Variants in SULT1B1 observed in about 807,000 individuals in gnomAD.
SULT1B1 encodes the protein sulfotransferase family 1B member 1.
A neutral mutation model predicts 34.6 loss-of-function variants in SULT1B1; 28 were observed. The observed-to-expected ratio is 0.81, with a 90% CI of 0.60 to 1.11. The LOEUF (loss-of-function observed/expected upper bound fraction) is 1.11. Ranked by LOEUF, SULT1B1 falls within the 50% of genes least tolerant of loss-of-function variation. SULT1B1 has a pLI of 0.00. For synonymous variants in SULT1B1, 147 were observed against 110.2 expected (o/e 1.33, Z -2.09); for missense variants, 374 against 352.2 (o/e 1.06, Z -0.50).
chr4:69,754,668 A>G lies in SULT1B1; in HGVS notation c.277+2T>C, dbSNP rs1248190611. The G allele has an allele frequency of 1.9e-6, 3 of 1,612,162 alleles. No homozygotes were observed. Among genetic ancestry groups the G allele is most frequent in the African/African-American group, 1.3e-5 (1 of 74,848 alleles). On this transcript the variant is annotated splice_donor_variant, in intron 3 of 7. Coordinates refer to ENST00000310613, the MANE Select transcript of SULT1B1 (RefSeq NM_014465.4). LOFTEE classifies it high-confidence loss of function. ...TAATAATTCCAAGTGGGTTAAATTTACCTGATGTTCTTAATCCAGGGAGAG... is the reference window on the plus strand; with the variant it reads ...TAATAATTCCAAGTGGGTTAAATTTGCCTGATGTTCTTAATCCAGGGAGAG...
At chr4:69,751,096 A>G (rs2110029767) in intron 3 of SULT1B1, among the ~76,000 whole-genome samples, 1 of 152,368 alleles carries the variant, frequency 6.6e-6, no homozygotes, top group East Asian at 1.9e-4. Flanking sequence ...ATTTGCCAAT[A>G]TAAATGACTG....
intron 4 of SULT1B1, among the ~76,000 whole-genome samples, chr4:69,749,423 C>T (rs893575454): frequency 3.3e-5 from 5 of 152,042 alleles, no homozygotes; most frequent in Non-Finnish European, 5.9e-5. Context: ...TAAGGACTAA[C>T]GTCCTTAAGT....
intron 7 of SULT1B1, among the ~76,000 whole-genome samples, chr4:69,729,364 T>C (rs1377211253): frequency 6.6e-6 from 1 of 152,040 alleles, no homozygotes; most frequent in Non-Finnish European, 1.5e-5. Flanking sequence ...TTCTAGTATA[T>C]TCAGAGGCAG....
Position 69,749,603 on chromosome 4 carries a change from GTA to G in SULT1B1, c.375+116_375+117del, listed in dbSNP as rs1419035873. The G allele has an allele frequency of 7.5e-6, 5 of 668,534 alleles. No individual in the cohort carries two copies. In the East Asian group the frequency reaches 1.4e-4, roughly 19 times the overall value. 41.4% of individuals were successfully genotyped at this position (668,534 alleles called of 1,614,324 possible). On this transcript the variant is annotated intron_variant, in intron 4 of 7. Coordinates refer to ENST00000310613, the MANE Select transcript of SULT1B1 (RefSeq NM_014465.4). The stretch of plus-strand genomic sequence containing the variant: ...TTTACGTACAACGTGAGTGGGTATA[GTA>G]TAGATTGTTGCAAGTATATGGTTAA...
At position 69,726,030 on chromosome 4, in the gene SULT1B1, GTACATATA is replaced by G. The variant is rs1299568266; in HGVS notation, c.*1050_*1057del. On this transcript the variant is annotated 3_prime_UTR_variant, in exon 8 of 8. Coordinates refer to ENST00000310613, the MANE Select transcript of SULT1B1 (RefSeq NM_014465.4). ...GGAACTTAAAGTATAATAATAAAAT[GTACATATA>G]TATATATATATATATATATATATAT... The G allele has an allele frequency of 8.8e-4, 37 of 42,064 alleles. 2 individuals are homozygous for G. The South Asian group carries it at 0.01, about 12-fold the overall frequency. The allele number at this position is 42,064 out of a possible 1,614,324, so 2.6% of individuals were successfully genotyped here. A position where few individuals can be genotyped will look rare whatever the true frequency, so the allele number is the denominator to read the frequency against.
chr4:69,731,027 T>A (rs574526816), intron 6 of SULT1B1, among the ~76,000 whole-genome samples: 7 of 152,138 alleles, frequency 4.6e-5, no homozygotes, highest in Non-Finnish European at 8.8e-5. Flanking sequence ...GACAGGCAAA[T>A]AGAGAACATT....
chr4:69,739,475 C>T (rs763886211), intron 4 of SULT1B1, among the ~76,000 whole-genome samples: 8 of 152,184 alleles, frequency 5.3e-5, no homozygotes, highest in Non-Finnish European at 1.2e-4. Context: ...GTACATTGGC[C>T]CCTTTTAGCC....
intron 4 of SULT1B1, among the ~76,000 whole-genome samples, chr4:69,747,733 G>A (rs1718807265): frequency 1.3e-5 from 2 of 152,132 alleles, no homozygotes; most frequent in South Asian, 2.1e-4. Flanking sequence ...GGGCATCAAG[G>A]AGTCTCCTGC....
chr4:69,726,847 G>C lies in SULT1B1; in HGVS notation c.*241C>G. On this transcript the variant is annotated 3_prime_UTR_variant, in exon 8 of 8. Transcript: ENST00000310613. ...TAGAAAAAGGCAGGAAGAGCCTGTGGTTACATTGTTCCTTTGTTACAAAAA... is the reference window on the plus strand; with the variant it reads ...TAGAAAAAGGCAGGAAGAGCCTGTGCTTACATTGTTCCTTTGTTACAAAAA... 2.8e-6 allele frequency: 1 copy of C among 360,772 alleles called. No homozygotes were observed. The highest frequency in any genetic ancestry group is 5.6e-5 in the South Asian group (1 of 17,840). The allele number at this position is 360,772 out of a possible 1,614,324, so 22.3% of individuals were successfully genotyped here. A position where few individuals can be genotyped will look rare whatever the true frequency, so the allele number is the denominator to read the frequency against.
intron 3 of SULT1B1, among the ~76,000 whole-genome samples, chr4:69,750,756 C>A (rs1718948566): frequency 6.6e-6 from 1 of 152,100 alleles, no homozygotes; most frequent in Non-Finnish European, 1.5e-5. Flanking sequence ...TGTATGTCCC[C>A]ATGTCCCTTC....
At chr4:69,745,465 T>A (rs1718714726) in intron 4 of SULT1B1, among the ~76,000 whole-genome samples, 1 of 152,362 alleles carries the variant, frequency 6.6e-6, no homozygotes, top group South Asian at 2.1e-4. Flanking sequence ...AATATTATTC[T>A]TTGTCCTTTT....
At chr4:69,738,396 T>C (rs1718401867) in intron 4 of SULT1B1, among the ~76,000 whole-genome samples, 1 of 152,210 alleles carries the variant, frequency 6.6e-6, no homozygotes, top group African/African-American at 2.4e-5. Context: ...CTTACAATCA[T>C]GGCAGAAGCA....
rs186556699 is a variant in SULT1B1 at position 69,744,800 on chromosome 4, C to T, written c.375+4921G>A. On this transcript the variant is annotated intron_variant, in intron 4 of 7. Transcript: ENST00000310613. ...TTGGTTTGCTCTTATTTTCCTGGTT[C>T]CTTGAGGTGCAATGTTAGGTTGTTA... Among the ~76,000 whole-genome samples, 242 of 152,146 alleles carry T rather than the reference C, an allele frequency of 1.6e-3. 2 individuals are homozygous for T. The highest frequency in any genetic ancestry group is 5.7e-3 in the African/African-American group (238 of 41,494).
chr4:69,723,660 C>T lies in SULT1B1; in HGVS notation c.*3428G>A, dbSNP rs990376858. 2 of 152,176 alleles carry T rather than the reference C, an allele frequency of 1.3e-5. No homozygotes were observed. Among genetic ancestry groups the T allele is most frequent in the African/African-American group, 4.8e-5 (2 of 41,438 alleles). The allele number at this position is 152,176 out of a possible 1,614,324, so 9.4% of individuals were successfully genotyped here. A position where few individuals can be genotyped will look rare whatever the true frequency, so the allele number is the denominator to read the frequency against. Reference sequence around the variant, plus strand: ...TGGCAAACCGAATCCAGCAGCACATCAAAAAGCTTATCCACCATGATCAAG... The same window carrying T: ...TGGCAAACCGAATCCAGCAGCACATTAAAAAGCTTATCCACCATGATCAAG... On this transcript the variant is annotated 3_prime_UTR_variant, in exon 8 of 8. Coordinates refer to ENST00000310613, the MANE Select transcript of SULT1B1 (RefSeq NM_014465.4).
chr4:69,750,549 C>T (rs948650011), intron 3 of SULT1B1, among the ~76,000 whole-genome samples: 2 of 152,268 alleles, frequency 1.3e-5, no homozygotes, highest in African/African-American at 4.8e-5. Flanking sequence ...CTTACATAAT[C>T]TTGCCATCTC....
intron 4 of SULT1B1, among the ~76,000 whole-genome samples, chr4:69,737,551 C>A (rs989064572): frequency 2.0e-5 from 3 of 152,018 alleles, no homozygotes; most frequent in Non-Finnish European, 4.4e-5. Context: ...CACTTGGGAC[C>A]ATTATGTTGA....
At position 69,755,186 on chromosome 4, in the gene SULT1B1, T is replaced by G; in HGVS notation, c.32A>C (p.Asp11Ala). Residue 11 changes from aspartate to alanine, a missense_variant, in exon 2 of 8, where the codon GAT (aspartate) becomes GCT (alanine). Physicochemically the swap from Asp to Ala is moderately radical, Grantham distance 126. Coordinates refer to ENST00000310613, the MANE Select transcript of SULT1B1 (RefSeq NM_014465.4). The stretch of plus-strand genomic sequence containing the variant: ...GGGATAACCATGGACCAACTTCAGA[T>G]CTTTTCGCAGAATATCTTTTGGGGA... Reference protein sequence around the residue: MLSPKDILRKDLKLVHGYPMT... With the variant: MLSPKDILRKALKLVHGYPMT... 3 of 1,613,840 alleles carry G rather than the reference T, an allele frequency of 1.9e-6. No homozygotes were observed. The highest frequency in any genetic ancestry group is 1.1e-5 in the South Asian group (1 of 91,072).
chr4:69,755,330 G>T, intron 1 of SULT1B1, 69 bp from the exon 2 acceptor site: 1 of 1,230,806 alleles, frequency 8.1e-7, no homozygotes, highest in Non-Finnish European at 1.1e-6. Flanking sequence ...ACTGCAATTT[G>T]TCACAAAGTA....
chr4:69,754,732 C>T lies in SULT1B1; in HGVS notation c.215G>A (p.Arg72Gln), dbSNP rs370321903. The change falls in exon 3 of 8, where the codon CGA (arginine) becomes CAA (glutamine). Residue 72 changes from arginine (R) to glutamine (Q), a missense_variant. By Grantham distance (43) the Arg-to-Gln change is conservative. Coordinates refer to ENST00000310613, the MANE Select transcript of SULT1B1 (RefSeq NM_014465.4). ...TGGAACTTTTTCAGTAATAAAACCT[C>T]GCTTACATTTTTCAATATCTCCATC... ...LNDGDIEKCKRGFITEKVPML... is the reference protein window; with the variant it reads ...LNDGDIEKCKQGFITEKVPML... The T allele has an allele frequency of 4.4e-5, 71 of 1,612,994 alleles. 1 individual carries two copies. Among genetic ancestry groups the T allele is most frequent in the South Asian group, 3.7e-4 (34 of 91,038 alleles).
Sources: allele counts gnomAD v4.1 joint callset (sites outside exome capture counted in the v4.1 genomes callset), GRCh38; gene constraint gnomAD v4.1.1; transcripts MANE v1.5; gene names NCBI Gene and HGNC (gene_info 2026-07-23, HGNC 2026-07-21).